AFDN: variants seen among roughly 807,000 people sequenced by gnomAD.
AFDN encodes the protein afadin, adherens junction formation factor, also known as afadin.
In AFDN, 68 loss-of-function variants were observed where a neutral mutation model predicts 216.6. That is an observed-to-expected ratio of 0.31 (90% CI 0.26 to 0.38). AFDN has a LOEUF of 0.38. Ranked by LOEUF, AFDN falls within the 10% of genes least tolerant of loss-of-function variation. The pLI is 1.00. For missense variants in AFDN, 2,136 were observed against 2,342.0 expected (o/e 0.91, Z 1.82); for synonymous variants, 868 against 853.7 (o/e 1.02, Z -0.29).
chr6:167,926,265 G>A (rs921025166), intron 23 of AFDN, among the ~76,000 whole-genome samples: 3 of 151,762 alleles, frequency 2.0e-5, no homozygotes, highest in African/African-American at 7.3e-5. Flanking sequence ...TGAGGGTATA[G>A]GGGCAGGCCA....
At position 167,951,539 on chromosome 6, in the gene AFDN, C is replaced by T. The variant is rs6936112; in HGVS notation, c.4185C>T (p.Leu1395=). The T allele has an allele frequency of 8.9e-3, 14,431 of 1,613,756 alleles. 1,056 individuals carry two copies. The African/African-American group carries it at 0.17, about 19-fold the overall frequency. ...ATGGAATGTCCATGGATTTGCCTCT[C>T]CCACCACCCCCTTCCGCCAACCAGA... ...DFDGMSMDLP[L]PPPPSANQIG... Residue 1395 remains leucine, a synonymous_variant, in exon 30 of 34, where the codon CTC becomes CTT. Transcript: ENST00000683244. The surrounding 1 kb of genome is among the most constrained non-coding windows in gnomAD (Gnocchi z 7.1).
chr6:167,962,988 C>T lies in AFDN; in HGVS notation c.4968+421C>T. The T allele has an allele frequency of 2.8e-6, 3 of 1,088,516 alleles. No individual in the cohort carries two copies. Among genetic ancestry groups the T allele is most frequent in the Non-Finnish European group, 3.4e-6 (3 of 892,084 alleles). 67.4% of individuals were successfully genotyped at this position (1,088,516 alleles called of 1,614,324 possible). The stretch of plus-strand genomic sequence containing the variant: ...AGTAAGACAGTTGGCTGCCATTCAA[C>T]ATTTCAAATAGATGGTTTACTCAAA... On this transcript the variant is annotated intron_variant, in intron 31 of 33. Transcript: ENST00000683244. This position sits in a 1 kb window ranked among gnomAD's most constrained non-coding sequence, Gnocchi z 5.2.
chr6:167,829,181 C>G (rs1309244711), intron 1 of AFDN, among the ~76,000 whole-genome samples: 1 of 152,036 alleles, frequency 6.6e-6, no homozygotes, highest in Non-Finnish European at 1.5e-5. Flanking sequence ...TATTAGAAGC[C>G]TTTCATAATG....
intron 8 of AFDN, 41 bp from the exon 9 acceptor site, chr6:167,893,821 T>C: frequency 1.3e-6 from 2 of 1,513,756 alleles, no homozygotes; most frequent in Non-Finnish European, 1.8e-6. Flanking sequence ...CTCCTGCTGA[T>C]GCTGCCTTCA....
At chr6:167,956,114 C>CAAAA (rs59521151) in intron 30 of AFDN, among the ~76,000 whole-genome samples, 6,882 of 41,314 alleles carry the variant, frequency 0.17, 1,279 homozygotes, top group East Asian at 0.26. Flanking sequence ...GACTTTGGCT[C>CAAAA]AAAAAAAAAA....
At position 167,918,917 on chromosome 6, in the gene AFDN, C is replaced by T; in HGVS notation, c.2892C>T (p.Asp964=). The change falls in exon 21 of 34, where the codon GAC becomes GAT. Residue 964 remains aspartate (D), a synonymous_variant. Coordinates refer to ENST00000683244, the MANE Select transcript of AFDN (RefSeq NM_001386888.1). ...CAAATGGTTTACAAGAATTTTTAGA[C>T]CCTCTGTGCCAGAGAGGTAAATTAG... ...NIPNGLQEFL[D]PLCQRGFCRL... is the part of the protein sequence containing the mutation. 7 of 1,613,816 alleles carry T rather than the reference C, an allele frequency of 4.3e-6. No homozygotes were observed. Among genetic ancestry groups the T allele is most frequent in the Non-Finnish European group, 5.1e-6 (6 of 1,179,840 alleles).
intron 1 of AFDN, among the ~76,000 whole-genome samples, chr6:167,832,875 C>G (rs1262349825): frequency 1.3e-5 from 2 of 152,218 alleles, no homozygotes; most frequent in Non-Finnish European, 2.9e-5. Flanking sequence ...GCTGAATATA[C>G]ACAACTTGCT....
At position 167,875,376 on chromosome 6, in the gene AFDN, C is replaced by T. The variant is rs1232871810; in HGVS notation, c.620C>T (p.Pro207Leu). Residue 207 changes from proline (P) to leucine (L), a missense_variant, in exon 5 of 34, where the codon CCG becomes CTG. Transcript: ENST00000683244. ...GCTGCTGAGGTTTACAAAGACATGC[C>T]GGAAACCAGCTTTACTCGAACCATT... is the stretch of plus-strand genomic sequence containing the variant. ...RLAAEVYKDM[P>L]ETSFTRTISN... is the part of the protein sequence containing the mutation. 4.3e-6 allele frequency: 7 copies of T among 1,613,360 alleles called. No individual in the cohort carries two copies. The highest frequency in any genetic ancestry group is 2.2e-5 in the East Asian group (1 of 44,856).
chr6:167,830,646 C>T (rs1031069678), intron 1 of AFDN, among the ~76,000 whole-genome samples: 1 of 152,080 alleles, frequency 6.6e-6, no homozygotes, highest in Non-Finnish European at 1.5e-5. Context: ...GGATTTATTG[C>T]CTCCTTCTTG....
chr6:167,900,142 G>A (rs1315850828), intron 11 of AFDN, among the ~76,000 whole-genome samples: 3 of 152,186 alleles, frequency 2.0e-5, no homozygotes, highest in Non-Finnish European at 4.4e-5. Flanking sequence ...GGCAAATCTG[G>A]TAAAAGCTGC....
intron 6 of AFDN, among the ~76,000 whole-genome samples, chr6:167,886,178 C>T (rs1035621044): frequency 1.3e-5 from 2 of 151,776 alleles, no homozygotes; most frequent in Admixed American, 1.3e-4. Flanking sequence ...AGAAATACAG[C>T]AAAGCTCATT....
chr6:167,931,325 C>G (rs1793275000), intron 23 of AFDN, among the ~76,000 whole-genome samples: 1 of 151,880 alleles, frequency 6.6e-6, no homozygotes, highest in South Asian at 2.1e-4. Context: ...ATCAGGAGTT[C>G]AGCTTTGAAC....
chr6:167,944,745 C>T (rs566667627), intron 26 of AFDN, among the ~76,000 whole-genome samples: 1 of 151,746 alleles, frequency 6.6e-6, no homozygotes, highest in African/African-American at 2.4e-5. Flanking sequence ...AACTGTAATT[C>T]AGTGGGAACA....
chr6:167,944,182 G>A, intron 26 of AFDN, 123 bp downstream of exon 26: 1 of 742,016 alleles, frequency 1.3e-6, no homozygotes, highest in Non-Finnish European at 2.2e-6. Context: ...AGAAATTGAG[G>A]ATGAGAGCGC....
chr6:167,886,697 G>C (rs1583283737), intron 6 of AFDN, among the ~76,000 whole-genome samples: 1 of 152,174 alleles, frequency 6.6e-6, no homozygotes, highest in African/African-American at 2.4e-5. Context: ...ATTAGTAACT[G>C]CTGTACAAAG....
intron 23 of AFDN, among the ~76,000 whole-genome samples, chr6:167,933,387 C>T (rs1414712670): frequency 6.6e-6 from 1 of 152,218 alleles, no homozygotes; most frequent in Admixed American, 6.5e-5. Flanking sequence ...AACATGCCTT[C>T]TCACTGTTTA....
intron 23 of AFDN, among the ~76,000 whole-genome samples, chr6:167,938,136 C>T (rs915929562): frequency 1.3e-5 from 2 of 152,134 alleles, no homozygotes; most frequent in East Asian, 1.9e-4. Context: ...TTCCCTGACA[C>T]TGGGAAGGTG....
At chr6:167,921,789 G>A (rs1791844873) in intron 21 of AFDN, among the ~76,000 whole-genome samples, 1 of 150,982 alleles carries the variant, frequency 6.6e-6, no homozygotes, top group South Asian at 2.1e-4. Context: ...AATCTGAATT[G>A]AAATAGTGAT....
At chr6:167,965,094 G>C in intron 31 of AFDN, 1 of 1,018,524 alleles carries the variant, frequency 9.8e-7, no homozygotes, top group Non-Finnish European at 1.2e-6. Flanking sequence ...TGAAATACAA[G>C]TTAAGAACTA....
Sources: allele counts gnomAD v4.1 joint callset (sites outside exome capture counted in the v4.1 genomes callset), GRCh38; gene constraint gnomAD v4.1.1; non-coding constraint Gnocchi (gnomAD v3.1); transcripts MANE v1.5; gene names NCBI Gene and HGNC (gene_info 2026-07-23, HGNC 2026-07-21).